ELAPOR1: variants seen among roughly 807,000 people sequenced by gnomAD.
ELAPOR1 encodes the protein endosome/lysosome-associated apoptosis and autophagy regulator 1.
ELAPOR1 carries 77 observed loss-of-function variants against 119.7 expected under a neutral mutation model. The observed-to-expected ratio is 0.64, with a 90% CI of 0.54 to 0.78. The LOEUF is 0.78. ELAPOR1 is among the 30% of genes least tolerant of loss of function. ELAPOR1 has a pLI of 0.00. For missense variants in ELAPOR1, 1,115 were observed against 1,270.4 expected, an observed-to-expected ratio of 0.88 and a Z score of 1.86; for synonymous variants, 481 against 487.2, an observed-to-expected ratio of 0.99 and a Z score of 0.17.
chr1:109,188,602 C>T (rs1248925868), intron 9 of ELAPOR1, among the ~76,000 whole-genome samples: 1 of 152,160 alleles, frequency 6.6e-6, no homozygotes, highest in Non-Finnish European at 1.5e-5. Context: ...TGACTCAGGA[C>T]TGAAGGTGCC....
chr1:109,170,655 T>C (rs1395020035), intron 3 of ELAPOR1, among the ~76,000 whole-genome samples: 2 of 152,204 alleles, frequency 1.3e-5, no homozygotes, highest in Non-Finnish European at 2.9e-5. Flanking sequence ...ATTTGTACCC[T>C]ATCCTAAGGG....
rs910224821 is a variant in ELAPOR1 at position 109,160,270 on chromosome 1, G to A, written c.154-1624G>A. Among the ~76,000 whole-genome samples the A allele has an allele frequency of 1.7e-4, 26 of 150,774 alleles. No individual in the cohort carries two copies. In the East Asian group the frequency reaches 3.7e-3, roughly 21 times the overall value. On this transcript the variant is annotated intron_variant, in intron 1 of 21. Transcript: ENST00000369939. ...TACAGTGAGCCATCATCACGCCACC[G>A]CACTCCAGCCTGGGTGACAGAGCAA...
chr1:109,120,413 A>AAATAT (rs1298328414), intron 1 of ELAPOR1, among the ~76,000 whole-genome samples: 1 of 151,866 alleles, frequency 6.6e-6, no homozygotes, highest in African/African-American at 2.4e-5. Context: ...AAATAAAATA[A>AAATAT]AATAAAATAA....
intron 7 of ELAPOR1, among the ~76,000 whole-genome samples, chr1:109,179,273 G>A (rs1188010803): frequency 6.6e-6 from 1 of 151,318 alleles, no homozygotes; most frequent in Non-Finnish European, 1.5e-5. Context: ...ATGGTGGCGG[G>A]CGCCTTTAGT....
chr1:109,143,125 T>C (rs749654100), intron 1 of ELAPOR1, among the ~76,000 whole-genome samples: 8 of 152,182 alleles, frequency 5.3e-5, no homozygotes, highest in Non-Finnish European at 7.3e-5. Flanking sequence ...AACTTTTGTA[T>C]TTTTAGTAGA....
chr1:109,169,638 A>G (rs1651809242), intron 3 of ELAPOR1, among the ~76,000 whole-genome samples: 1 of 152,192 alleles, frequency 6.6e-6, no homozygotes, highest in Non-Finnish European at 1.5e-5. Flanking sequence ...CTGTTTCCAC[A>G]TTCAACTCTT....
chr1:109,157,090 T>C (rs1431982500), intron 1 of ELAPOR1, among the ~76,000 whole-genome samples: 1 of 152,196 alleles, frequency 6.6e-6, no homozygotes, highest in African/African-American at 2.4e-5. Context: ...GGGCCTTGTT[T>C]GCAAAATTTT....
rs552334423 is a variant in ELAPOR1, at chr1:109,182,951, T to G, written c.953-2094T>G. 7.9e-5 allele frequency among the ~76,000 whole-genome samples: 12 copies of G among 152,064 alleles called. No homozygotes were observed. In the East Asian group the frequency reaches 1.2e-3, roughly 15 times the overall value. On this transcript the variant is annotated intron_variant, in intron 7 of 21. Coordinates refer to ENST00000369939, the MANE Select transcript of ELAPOR1 (RefSeq NM_020775.5). ...AAGAGAGAGAAGTTCTTACCATTAT[T>G]CAGTGCTTATCTGCAGGTGACACAG...
intron 1 of ELAPOR1, among the ~76,000 whole-genome samples, chr1:109,132,564 G>A (rs956751757): frequency 6.6e-6 from 1 of 152,222 alleles, no homozygotes; most frequent in East Asian, 1.9e-4. Flanking sequence ...ATGGTGCAAT[G>A]AGAGCACATA....
At chr1:109,128,018 C>T (rs548407841) in intron 1 of ELAPOR1, among the ~76,000 whole-genome samples, 3 of 152,148 alleles carry the variant, frequency 2.0e-5, no homozygotes, top group African/African-American at 7.2e-5. Context: ...GGATTACAGG[C>T]ACATGCCACC....
chr1:109,189,449 G>A, intron 10 of ELAPOR1, 143 bp from the exon 11 acceptor site: 1 of 841,676 alleles, frequency 1.2e-6, no homozygotes, highest in South Asian at 1.6e-5. Flanking sequence ...AAAGTGGCAG[G>A]ATAAGTAACA....
intron 11 of ELAPOR1, among the ~76,000 whole-genome samples, chr1:109,190,018 A>C (rs574421446): frequency 2.0e-5 from 3 of 152,338 alleles, no homozygotes; most frequent in Non-Finnish European, 2.9e-5. Flanking sequence ...GCCCATAGAC[A>C]GTTCATCTTT....
At chr1:109,180,183 G>T (rs1004823960) in intron 7 of ELAPOR1, among the ~76,000 whole-genome samples, 1 of 152,162 alleles carries the variant, frequency 6.6e-6, no homozygotes, top group Non-Finnish European at 1.5e-5. Flanking sequence ...ATTTCTTTGT[G>T]TTATGTTTCA....
Position 109,164,628 on chromosome 1 carries a change from C to T in ELAPOR1, c.404C>T (p.Ala135Val). ...TGGGATGAGCTGCCCCATGGCTTTG[C>T]CAGCCTCTCAGCCAACATGGAGCTG... ...DEWDELPHGF[A>V]SLSANMELDD... The change falls in exon 3 of 22, where the codon GCC becomes GTC. Residue 135 changes from alanine to valine, a missense_variant. By Grantham distance (64) the Ala-to-Val change is moderately conservative. Transcript: ENST00000369939. The T allele has an allele frequency of 1.2e-6, 2 of 1,614,252 alleles. No homozygotes were observed. The highest frequency in any genetic ancestry group is 8.5e-7 in the Non-Finnish European group (1 of 1,180,036).
Position 109,191,843 on chromosome 1 carries a change from A to AG in ELAPOR1, c.1665dup (p.Thr556AspfsTer5). 6.2e-7 allele frequency: 1 copy of AG among 1,614,218 alleles called. No homozygotes were observed. The highest frequency in any genetic ancestry group is 8.5e-7 in the Non-Finnish European group (1 of 1,180,030). ...CACGAGCTTCACCTGGGCCTTCCAG[A>AG]GGACCACTTTTCATGAGGCAGTAAG... On this transcript the variant is annotated frameshift_variant, in exon 13 of 22. Transcript: ENST00000369939. LOFTEE classifies it high-confidence loss of function.
At chr1:109,181,806 G>C (rs1165093600) in intron 7 of ELAPOR1, among the ~76,000 whole-genome samples, 1 of 152,090 alleles carries the variant, frequency 6.6e-6, no homozygotes, top group African/African-American at 2.4e-5. Flanking sequence ...TCAGCCAGTA[G>C]TTCCCACCTG....
intron 7 of ELAPOR1, among the ~76,000 whole-genome samples, chr1:109,177,287 C>T (rs1346506688): frequency 6.7e-5 from 10 of 148,698 alleles, no homozygotes; most frequent in Admixed American, 6.6e-4. Flanking sequence ...AGAGACGCTC[C>T]TCACTTCCCA....
In ELAPOR1 at chr1:109,118,900, C is replaced by CTTTTT. The variant is rs777752743; in HGVS notation, c.153+4575_153+4579dup. ...CTGTTTCCTCCTGTATTTGGTTCTT[C>CTTTTT]TTTTTTTTTTTTTTTGAGACGGAGT... On this transcript the variant is annotated intron_variant, in intron 1 of 21. Coordinates refer to ENST00000369939, the MANE Select transcript of ELAPOR1 (RefSeq NM_020775.5). Among the ~76,000 whole-genome samples, 118 of 128,182 alleles carry CTTTTT rather than the reference C, an allele frequency of 9.2e-4. 8 individuals are homozygous for CTTTTT. The highest frequency in any genetic ancestry group is 3.3e-3 in the African/African-American group (104 of 31,456). 84.1% of individuals were successfully genotyped at this position (128,182 alleles called of 152,430 possible). A position where few individuals can be genotyped will look rare whatever the true frequency, so the allele number is the denominator to read the frequency against.
At chr1:109,134,182 A>G (rs1236655440) in intron 1 of ELAPOR1, among the ~76,000 whole-genome samples, 1 of 152,128 alleles carries the variant, frequency 6.6e-6, no homozygotes, top group Non-Finnish European at 1.5e-5. Context: ...TCTCCTTTAG[A>G]TTCTGTTCTT....
Sources: allele counts gnomAD v4.1 joint callset (sites outside exome capture counted in the v4.1 genomes callset), GRCh38; gene constraint gnomAD v4.1.1; transcripts MANE v1.5; gene names NCBI Gene and HGNC (gene_info 2026-07-23, HGNC 2026-07-21).